Variants in PDE11A observed in about 807,000 individuals in gnomAD.
PDE11A encodes the protein phosphodiesterase 11A, also known as dual 3',5'-cyclic-AMP and -GMP phosphodiesterase 11A.
In PDE11A, 100 loss-of-function variants were observed where a neutral mutation model predicts 100.5. The ratio of observed to expected loss-of-function variants is 1.00; its 90% CI spans 0.85 to 1.18. The LOEUF is 1.18. Ranked by LOEUF, PDE11A falls within the 50% of genes most tolerant of loss-of-function variation. The pLI is 0.00. For missense variants in PDE11A, 1,141 were observed against 1,152.6 expected, an observed-to-expected ratio of 0.99 and a Z score of 0.15; for synonymous variants, 381 against 420.8, an observed-to-expected ratio of 0.91 and a Z score of 1.16.
At chr2:177,817,418 T>C (rs1018410728) in intron 8 of PDE11A, among the ~76,000 whole-genome samples, 1 of 152,216 alleles carries the variant, frequency 6.6e-6, no homozygotes, top group Non-Finnish European at 1.5e-5. Context: ...GGTTTTCATG[T>C]TGGCTACTGG....
intron 2 of PDE11A, among the ~76,000 whole-genome samples, chr2:178,004,914 A>C (rs1203970657): frequency 6.6e-6 from 1 of 152,158 alleles, no homozygotes; most frequent in African/African-American, 2.4e-5. Flanking sequence ...TGTGATTACA[A>C]CTTAATACTC....
chr2:177,790,726 G>A lies in PDE11A; in HGVS notation c.1738-21353C>T, dbSNP rs184302243. On this transcript the variant is annotated intron_variant, in intron 9 of 19. Coordinates refer to ENST00000286063, the MANE Select transcript of PDE11A (RefSeq NM_016953.4). ...CAAACAACCCCATCAAAAAGTGGGC[G>A]AAGGATATGAACAGACACTTCTCAA... 9.3e-3 allele frequency among the ~76,000 whole-genome samples: 1,405 copies of A among 150,904 alleles called. 28 individuals carry two copies. In the East Asian group the frequency reaches 0.1, roughly 11 times the overall value.
At chr2:177,853,680 A>ATATGTG (rs2083766252) in intron 5 of PDE11A, among the ~76,000 whole-genome samples, 17 of 36,518 alleles carry the variant, frequency 4.7e-4, no homozygotes, top group African/African-American at 1.6e-3. Context: ...ATATATATAT[A>ATATGTG]TGTGTGTGTG....
intron 19 of PDE11A, among the ~76,000 whole-genome samples, chr2:177,637,210 C>T (rs1255418628): frequency 6.6e-6 from 1 of 152,196 alleles, no homozygotes; most frequent in Admixed American, 6.5e-5. Flanking sequence ...AATTGAGGTT[C>T]ACTTAGGTTA....
intron 18 of PDE11A, among the ~76,000 whole-genome samples, chr2:177,667,616 C>G (rs1360190667): frequency 6.6e-6 from 1 of 152,130 alleles, no homozygotes; most frequent in South Asian, 2.1e-4. Context: ...GTGTGAGGCC[C>G]CACACAGTCC....
chr2:178,093,316 A>C (rs1323507946), intron 2 of PDE11A, among the ~76,000 whole-genome samples: 2 of 152,094 alleles, frequency 1.3e-5, no homozygotes, highest in Admixed American at 1.3e-4. Context: ...TCCAATCTCT[A>C]ATTTTGTAGA....
intron 15 of PDE11A, among the ~76,000 whole-genome samples, chr2:177,689,459 G>A (rs970635705): frequency 1.3e-5 from 2 of 152,006 alleles, no homozygotes; most frequent in Non-Finnish European, 2.9e-5. Flanking sequence ...TGCGGTGAGT[G>A]GGTGCTTTTG....
chr2:177,989,223 A>G (rs141334545), intron 2 of PDE11A, among the ~76,000 whole-genome samples: 6 of 152,094 alleles, frequency 3.9e-5, no homozygotes, highest in Admixed American at 2.0e-4. Context: ...TGAGCAATCT[A>G]CTCTTTTTCA....
chr2:177,971,228 T>A (rs1280083720), intron 2 of PDE11A, among the ~76,000 whole-genome samples: 1 of 152,220 alleles, frequency 6.6e-6, no homozygotes, highest in Non-Finnish European at 1.5e-5. Context: ...GCCGGCTATT[T>A]CATAACAATA....
intron 2 of PDE11A, among the ~76,000 whole-genome samples, chr2:178,087,306 T>A (rs1421381311): frequency 2.0e-5 from 3 of 148,324 alleles, no homozygotes; most frequent in Non-Finnish European, 4.4e-5. Context: ...TGAGCCAAGA[T>A]CGCGCCATTA....
intron 2 of PDE11A, among the ~76,000 whole-genome samples, chr2:177,991,196 T>C (rs1287926460): frequency 6.7e-6 from 1 of 149,864 alleles, no homozygotes; most frequent in Non-Finnish European, 1.5e-5. Flanking sequence ...GTGGTGGTAC[T>C]CACCTGTAAT....
chr2:177,808,309 G>A (rs1484543075), intron 9 of PDE11A, among the ~76,000 whole-genome samples: 3 of 152,160 alleles, frequency 2.0e-5, no homozygotes, highest in Admixed American at 6.6e-5. Flanking sequence ...ATCAACATGA[G>A]TAGATAGTTA....
chr2:178,046,515 C>CGTTT (rs568914287), intron 1 of PDE11A, among the ~76,000 whole-genome samples: 39 of 151,942 alleles, frequency 2.6e-4, no homozygotes, highest in African/African-American at 2.7e-4. Flanking sequence ...CTTGTTTGTT[C>CGTTT]GTTTGTTTGT....
rs559043505 is a variant in PDE11A at position 177,852,890 on chromosome 2, T to A, written c.1368-12507A>T. The stretch of plus-strand genomic sequence containing the variant: ...CTGAGGACACTTCATCACACTTTTA[T>A]TCCTCTCATTTTAAGCATTCTGTAT... On this transcript the variant is annotated intron_variant, in intron 5 of 19. Transcript: ENST00000286063. Among the ~76,000 whole-genome samples the A allele has an allele frequency of 6.8e-4, 103 of 152,294 alleles. 3 individuals carry two copies. The South Asian group carries it at 0.02, about 29-fold the overall frequency.
chr2:177,880,585 T>C lies in PDE11A; in HGVS notation c.1303-4662A>G, dbSNP rs978634630. On this transcript the variant is annotated intron_variant, in intron 4 of 19. Transcript: ENST00000286063. ...TGTGAGTGTAACAGCTTTCAATGAG[T>C]TCTTTGAGCCCTTCTAGCAAATTAC... Among the ~76,000 whole-genome samples the C allele has an allele frequency of 5.9e-5, 9 of 152,276 alleles. No individual in the cohort carries two copies. The South Asian group carries it at 1.2e-3, about 21-fold the overall frequency.
chr2:177,728,126 T>C lies in PDE11A; in HGVS notation c.1835A>G (p.His612Arg). ...AACGTCGAGAGAAAAGTCATCAAAA[T>C]GAATGTCATCGATGGCAAGTTCTGA... ...LVSELAIDDI[H>R]FDDFSLDVDA... Residue 612 changes from histidine to arginine, a missense_variant, in exon 11 of 20, where the codon CAT (histidine) becomes CGT (arginine). Transcript: ENST00000286063. 1 of 1,612,894 alleles carries C rather than the reference T, an allele frequency of 6.2e-7. No individual in the cohort carries two copies. Among genetic ancestry groups the C allele is most frequent in the Admixed American group, 1.7e-5 (1 of 59,948 alleles).
At chr2:177,814,405 C>G (rs1451245276) in intron 9 of PDE11A, among the ~76,000 whole-genome samples, 1 of 152,044 alleles carries the variant, frequency 6.6e-6, no homozygotes. Flanking sequence ...GAAATCCTTC[C>G]AGATACTCTT....
At chr2:177,917,691 G>A (rs553264764) in intron 2 of PDE11A, among the ~76,000 whole-genome samples, 40 of 152,278 alleles carry the variant, frequency 2.6e-4, no homozygotes, top group African/African-American at 9.6e-4. Context: ...AGACACTGTG[G>A]AAGATATGTA....
At chr2:178,108,207 A>G (rs2087644962) in intron 1 of PDE11A, 1 of 152,308 alleles carries the variant, frequency 6.6e-6, no homozygotes, top group Non-Finnish European at 1.5e-5. Context: ...TATTGGCATT[A>G]AAAACGGCCA....
Sources: gnomAD v4.1 joint callset for allele counts (sites outside exome capture counted in the v4.1 genomes callset) on GRCh38, gnomAD v4.1.1 for gene constraint, MANE v1.5 for transcripts, NCBI Gene and HGNC (gene_info 2026-07-23, HGNC 2026-07-21) for gene names.